Variants in ASXL1 observed in about 807,000 individuals in gnomAD.
ASXL1 encodes ASXL transcriptional regulator 1, also known as polycomb group protein ASXL1.
ASXL1 carries 65 observed loss-of-function variants against 89.1 expected under a neutral mutation model. The observed-to-expected ratio is 0.73, with a 90% CI of 0.60 to 0.90. The LOEUF is 0.90. ASXL1 is among the 40% of genes least tolerant of loss of function. The pLI, the probability that ASXL1 is intolerant of heterozygous loss-of-function variation, is 0.00. For missense variants in ASXL1, 1,786 were observed against 1,942.9 expected, an observed-to-expected ratio of 0.92 and a Z score of 1.52; for synonymous variants, 739 against 746.9, an observed-to-expected ratio of 0.99 and a Z score of 0.17.
At position 32,433,601 on chromosome 20, in the gene ASXL1, G is replaced by C. The variant is rs2123261788; in HGVS notation, c.1403G>C (p.Gly468Ala). ...GGGCTGAGCAGTCCCCATCTGCCAG[G>C]CACATCCTCTGCAGCACCCGACCTG... The part of the protein sequence containing the change: ...PAGLSSPHLP[G>A]TSSAAPDLEG... The change falls in exon 12 of 13, where the codon GGC becomes GCC. Residue 468 changes from glycine to alanine, a missense_variant. Gly to Ala is a moderately conservative substitution (Grantham distance 60). Transcript: ENST00000375687. 6.2e-7 allele frequency: 1 copy of C among 1,614,082 alleles called. No homozygotes were observed. Among genetic ancestry groups the C allele is most frequent in the Non-Finnish European group, 8.5e-7 (1 of 1,179,984 alleles).
intron 4 of ASXL1, chr20:32,372,155 AT>A: frequency 7.4e-7 from 1 of 1,349,984 alleles, no homozygotes; most frequent in Non-Finnish European, 9.8e-7. Flanking sequence ...CTTCATCTTA[AT>A]TTTACAGGTG....
intron 4 of ASXL1, among the ~76,000 whole-genome samples, chr20:32,408,368 C>G (rs2048990294): frequency 6.6e-6 from 1 of 152,158 alleles, no homozygotes; most frequent in Admixed American, 6.6e-5. Context: ...TGTCAAAAAT[C>G]AGTTGAGTCC....
chr20:32,371,208 C>A (rs191393701), intron 4 of ASXL1, among the ~76,000 whole-genome samples: 1 of 152,276 alleles, frequency 6.6e-6, no homozygotes, highest in East Asian at 1.9e-4. Flanking sequence ...GGCATTGAGT[C>A]AGTCCTTAAT....
intron 4 of ASXL1, among the ~76,000 whole-genome samples, chr20:32,404,838 T>C (rs1331071129): frequency 6.6e-6 from 1 of 152,216 alleles, no homozygotes; most frequent in African/African-American, 2.4e-5. Flanking sequence ...TGAGAGTTTT[T>C]ATCATGAATG....
Position 32,434,431 on chromosome 20 carries a change from G to C in ASXL1, c.1720-1G>C, listed in dbSNP as rs1254271466. On this transcript the variant is annotated splice_acceptor_variant, in intron 12 of 12. Coordinates refer to ENST00000375687, the MANE Select transcript of ASXL1 (RefSeq NM_015338.6). LOFTEE classifies it high-confidence loss of function. ...ACTATTTTCTAATTCTTTTTTTGCAGATTCAACTTTCACGTATCAAACCAC... is the reference window on the plus strand; with the variant it reads ...ACTATTTTCTAATTCTTTTTTTGCACATTCAACTTTCACGTATCAAACCAC... The C allele has an allele frequency of 6.2e-7, 1 of 1,613,846 alleles. No homozygotes were observed. The highest frequency in any genetic ancestry group is 8.5e-7 in the Non-Finnish European group (1 of 1,179,994).
At chr20:32,422,179 G>A (rs534787277) in intron 4 of ASXL1, among the ~76,000 whole-genome samples, 3 of 150,774 alleles carry the variant, frequency 2.0e-5, no homozygotes, top group African/African-American at 4.9e-5. Flanking sequence ...GCGCCCGGCC[G>A]AGAGGGGTGG....
chr20:32,421,959 C>T (rs1179738808), intron 4 of ASXL1, among the ~76,000 whole-genome samples: 1 of 148,664 alleles, frequency 6.7e-6, no homozygotes, highest in East Asian at 2.0e-4. Context: ...AGCTCCGCCT[C>T]CCGGGTTCAT....
chr20:32,400,082 G>A (rs941749289), intron 4 of ASXL1, among the ~76,000 whole-genome samples: 4 of 120,062 alleles, frequency 3.3e-5, no homozygotes, highest in Admixed American at 9.7e-5. Flanking sequence ...TTTTTTTATC[G>A]TTAGAATTTT....
At chr20:32,425,106 C>T (rs1048207536) in intron 4 of ASXL1, among the ~76,000 whole-genome samples, 13 of 152,230 alleles carry the variant, frequency 8.5e-5, no homozygotes, top group Admixed American at 3.3e-4. Context: ...TTTTCACAAA[C>T]GGAATCATCA....
Position 32,437,467 on chromosome 20 carries a change from A to G in ASXL1, c.*129A>G. On this transcript the variant is annotated 3_prime_UTR_variant, in exon 13 of 13. Coordinates refer to ENST00000375687, the MANE Select transcript of ASXL1 (RefSeq NM_015338.6). The stretch of plus-strand genomic sequence containing the variant: ...CAGGAGCACTCTTGCCTTCCCCCAA[A>G]ATTTACACTGCTAAAGCCCTCTGTC... 7.2e-7 allele frequency: 1 copy of G among 1,389,954 alleles called. No individual in the cohort carries two copies. Among genetic ancestry groups the G allele is most frequent in the South Asian group, 1.2e-5 (1 of 82,334 alleles). 86.1% of individuals were successfully genotyped at this position (1,389,954 alleles called of 1,614,324 possible). A position where few individuals can be genotyped will look rare whatever the true frequency, so the allele number is the denominator to read the frequency against.
intron 1 of ASXL1, among the ~76,000 whole-genome samples, chr20:32,362,909 C>T (rs79300341): frequency 7.2e-5 from 11 of 152,198 alleles, no homozygotes; most frequent in East Asian, 3.9e-4. Context: ...CCCTTTAAAT[C>T]GAGGACGCTA....
intron 4 of ASXL1, among the ~76,000 whole-genome samples, chr20:32,379,081 TCACA>T (rs60897071): frequency 2.1e-5 from 3 of 143,066 alleles, no homozygotes; most frequent in Non-Finnish European, 3.0e-5. Context: ...ACTCTGTCTC[TCACA>T]CACACACACA....
chr20:32,375,751 C>T (rs1230817566), intron 4 of ASXL1, among the ~76,000 whole-genome samples: 4 of 151,690 alleles, frequency 2.6e-5, no homozygotes, highest in Non-Finnish European at 5.9e-5. Context: ...GGCATGATCA[C>T]GGCTTACTGC....
At chr20:32,427,032 C>G (rs1460284414) in intron 4 of ASXL1, 2 of 152,118 alleles carry the variant, frequency 1.3e-5, no homozygotes, top group Non-Finnish European at 2.9e-5. Flanking sequence ...TTTATCAACT[C>G]TTTTTCACAT....
intron 4 of ASXL1, among the ~76,000 whole-genome samples, chr20:32,401,544 G>GTGTTT (rs35101542): frequency 0.043 from 2,985 of 69,248 alleles, 95 homozygotes; most frequent in Admixed American, 0.14. Context: ...GTGTGTGTGT[G>GTGTTT]TTTTTTCCCC....
At chr20:32,423,504 T>G (rs2011193920) in intron 4 of ASXL1, among the ~76,000 whole-genome samples, 1 of 152,060 alleles carries the variant, frequency 6.6e-6, no homozygotes, top group South Asian at 2.1e-4. Flanking sequence ...CCTCCCAAAG[T>G]GCTGGATTAC....
At chr20:32,434,388 A>G (rs376226923) in intron 12 of ASXL1, 44 bp from the exon 13 acceptor site, 2 of 1,609,836 alleles carry the variant, frequency 1.2e-6, no homozygotes, top group African/African-American at 2.7e-5. Flanking sequence ...CCTAGGTCAG[A>G]TCACCCAGTC....
rs78524921 is a variant in ASXL1, at chr20:32,431,077, C to T, written c.719-244C>T. 2,161 of 666,494 alleles carry T rather than the reference C, an allele frequency of 3.2e-3. 34 individuals are homozygous for T. In the African/African-American group the frequency reaches 0.034, roughly 11 times the overall value. The allele number at this position is 666,494 out of a possible 1,614,324, so 41.3% of individuals were successfully genotyped here. A position where few individuals can be genotyped will look rare whatever the true frequency, so the allele number is the denominator to read the frequency against. ...TTCTGTGGGAAGTGTCCTTTTCAGGCTGTGACACAGCACGGTACAGAGTTT... is the reference window on the plus strand; with the variant it reads ...TTCTGTGGGAAGTGTCCTTTTCAGGTTGTGACACAGCACGGTACAGAGTTT... On this transcript the variant is annotated intron_variant, in intron 8 of 12. Transcript: ENST00000375687.
At position 32,358,652 on chromosome 20, in the gene ASXL1, C is replaced by T. The variant is rs2122753398; in HGVS notation, c.-124C>T. Reference sequence around the variant, plus strand: ...CCCTTCTCCCCGGCCGCACCCGAGACCTCGCGCGCCGCCGCTGCCACGCGC... The same window carrying T: ...CCCTTCTCCCCGGCCGCACCCGAGATCTCGCGCGCCGCCGCTGCCACGCGC... On this transcript the variant is annotated 5_prime_UTR_variant, in exon 1 of 13. Transcript: ENST00000375687. 1 of 257,418 alleles carries T rather than the reference C, an allele frequency of 3.9e-6. No individual in the cohort carries two copies. Among genetic ancestry groups the T allele is most frequent in the African/African-American group, 2.3e-5 (1 of 42,668 alleles). 15.9% of individuals were successfully genotyped at this position (257,418 alleles called of 1,614,324 possible). A position where few individuals can be genotyped will look rare whatever the true frequency, so the allele number is the denominator to read the frequency against.
Sources: allele counts gnomAD v4.1 joint callset (sites outside exome capture counted in the v4.1 genomes callset), GRCh38; gene constraint gnomAD v4.1.1; transcripts MANE v1.5; gene names NCBI Gene and HGNC (gene_info 2026-07-23, HGNC 2026-07-21).